FTCDNL1: variants seen among roughly 807,000 people sequenced by gnomAD.
The protein encoded by FTCDNL1 is formiminotransferase cyclodeaminase N-terminal like, also known as formiminotransferase N-terminal subdomain-containing protein.
In FTCDNL1, 11 loss-of-function variants were observed where a neutral mutation model predicts 5.9. That is an observed-to-expected ratio of 1.87 (90% CI 1.18 to 3.10). The LOEUF (loss-of-function observed/expected upper bound fraction) is 3.10. Ranked by LOEUF, FTCDNL1 falls within the 30% of genes most tolerant of loss-of-function variation. FTCDNL1 has a pLI of 0.00. For synonymous variants in FTCDNL1, 58 were observed against 24.8 expected (o/e 2.34, Z -3.99); for missense variants, 115 against 65.5 (o/e 1.76, Z -2.61).
chr2:199,846,174 T>C lies in FTCDNL1; in HGVS notation c.116-4A>G. On this transcript the variant is annotated splice_region_variant and splice_polypyrimidine_tract_variant and intron_variant, in intron 2 of 4. Coordinates refer to ENST00000420128, the MANE Select transcript of FTCDNL1 (RefSeq NM_001363886.2). ...GAAACTTGAGGATGTTTCTTTCCTG[T>C]AAAAAAAACAAGACAGAAGTGCAAG... is the stretch of plus-strand genomic sequence containing the variant. 1 of 685,622 alleles carries C rather than the reference T, an allele frequency of 1.5e-6. No homozygotes were observed. Among genetic ancestry groups the C allele is most frequent in the Non-Finnish European group, 2.6e-6 (1 of 378,098 alleles). The allele number at this position is 685,622 out of a possible 1,614,324, so 42.5% of individuals were successfully genotyped here. A position where few individuals can be genotyped will look rare whatever the true frequency, so the allele number is the denominator to read the frequency against.
downstream of FTCDNL1, among the ~76,000 whole-genome samples, chr2:199,805,912 T>C (rs1360578607): frequency 2.0e-5 from 3 of 150,712 alleles, no homozygotes; most frequent in Non-Finnish European, 4.4e-5. Flanking sequence ...AAGCAAGACC[T>C]TGTCTTGAAA....
chr2:199,834,812 CTCTT>C (rs1462911861), intron 3 of FTCDNL1, among the ~76,000 whole-genome samples: 1 of 152,214 alleles, frequency 6.6e-6, no homozygotes, highest in East Asian at 1.9e-4. Flanking sequence ...TTTCTCTACT[CTCTT>C]TCTAATTTCG....
At chr2:199,716,884 C>T in the FTCDNL1 span, among the ~76,000 whole-genome samples, 2 of 152,088 alleles carry the variant, frequency 1.3e-5, no homozygotes, top group Non-Finnish European at 2.9e-5. Context: ...TCAAAAGAGA[C>T]ATAGATGGGA....
chr2:199,835,886 CT>C lies in FTCDNL1; in HGVS notation c.211+10188del, dbSNP rs1257239626. 1.1e-4 allele frequency among the ~76,000 whole-genome samples: 16 copies of C among 152,156 alleles called. No individual in the cohort carries two copies. The East Asian group carries it at 1.5e-3, about 15-fold the overall frequency. On this transcript the variant is annotated intron_variant, in intron 3 of 4. Transcript: ENST00000420128. ...TAAAACCCCTCAACTTTGAGGCCCC[CT>C]GGGGCTCCCTTTGTTAGTAAGGGGT... is the stretch of plus-strand genomic sequence containing the variant.
the FTCDNL1 span, among the ~76,000 whole-genome samples, chr2:199,710,079 T>C: frequency 1.3e-5 from 2 of 152,204 alleles, no homozygotes; most frequent in East Asian, 3.9e-4. Flanking sequence ...GGCAAAAAAA[T>C]TGAGTTGCCC....
At chr2:199,701,895 C>A in the FTCDNL1 span, among the ~76,000 whole-genome samples, 1 of 151,882 alleles carries the variant, frequency 6.6e-6, no homozygotes, top group Non-Finnish European at 1.5e-5. Flanking sequence ...GTTAGCCTGG[C>A]GTGATGGTGC....
chr2:199,670,483 C>T, the FTCDNL1 span, among the ~76,000 whole-genome samples: 2 of 152,098 alleles, frequency 1.3e-5, no homozygotes, highest in Non-Finnish European at 2.9e-5. Context: ...ACTTTTCAAT[C>T]AAAATAACAA....
chr2:199,790,420 C>T (rs1050871208), intron 3 of FTCDNL1, among the ~76,000 whole-genome samples: 13 of 151,436 alleles, frequency 8.6e-5, no homozygotes, highest in African/African-American at 3.2e-4. Flanking sequence ...ATCACTTGAA[C>T]CTGGGAGGCG....
chr2:199,843,320 A>C (rs2076640851), intron 3 of FTCDNL1, among the ~76,000 whole-genome samples: 1 of 152,216 alleles, frequency 6.6e-6, no homozygotes, highest in African/African-American at 2.4e-5. Flanking sequence ...TTCATGTACT[A>C]GCTAATTTGA....
the FTCDNL1 span, among the ~76,000 whole-genome samples, chr2:199,744,908 C>T: frequency 8.5e-5 from 13 of 152,342 alleles, no homozygotes; most frequent in South Asian, 4.1e-4. Flanking sequence ...GACGGGAAAA[C>T]GCCCGTTCCT....
chr2:199,821,955 A>AGCAAATATCGCTG (rs1701718667), intron 3 of FTCDNL1, among the ~76,000 whole-genome samples: 1 of 152,238 alleles, frequency 6.6e-6, no homozygotes, highest in South Asian at 2.1e-4. Flanking sequence ...ACAGCAATAA[A>AGCAAATATCGCTG]GCAAATATCG....
At chr2:199,682,817 A>G in the FTCDNL1 span, among the ~76,000 whole-genome samples, 1 of 152,246 alleles carries the variant, frequency 6.6e-6, no homozygotes, top group Admixed American at 6.5e-5. Context: ...ATTTCTCATT[A>G]TCCTGTGCAG....
the FTCDNL1 span, among the ~76,000 whole-genome samples, chr2:199,723,209 C>T: frequency 6.6e-6 from 1 of 151,946 alleles, no homozygotes; most frequent in Non-Finnish European, 1.5e-5. Context: ...GAACATAATG[C>T]TTGTGATTTT....
At chr2:199,760,626 T>C in exon 4 of FTCDNL1, 1 of 524,284 alleles carries the variant, frequency 1.9e-6, no homozygotes, top group Non-Finnish European at 3.4e-6. Context: ...CTTTTACAAA[T>C]GTAAATGCAA....
chr2:199,723,648 A>AT, the FTCDNL1 span, among the ~76,000 whole-genome samples: 2 of 151,864 alleles, frequency 1.3e-5, no homozygotes, highest in South Asian at 4.1e-4. Flanking sequence ...TAATCATGTG[A>AT]TTTTTGTCTT....
intron 3 of FTCDNL1, among the ~76,000 whole-genome samples, chr2:199,838,331 T>A (rs1192377271): frequency 1.3e-5 from 2 of 152,094 alleles, no homozygotes; most frequent in African/African-American, 4.8e-5. Context: ...TCCTGAAAGA[T>A]CCAAGATGAT....
the FTCDNL1 span, among the ~76,000 whole-genome samples, chr2:199,682,463 T>C: frequency 1.3e-5 from 2 of 152,318 alleles, no homozygotes; most frequent in South Asian, 2.1e-4. Context: ...AACTGTACTA[T>C]ATATTGTGGG....
chr2:199,669,168 C>A, the FTCDNL1 span, among the ~76,000 whole-genome samples: 45 of 152,170 alleles, frequency 3.0e-4, no homozygotes, highest in African/African-American at 9.9e-4. Flanking sequence ...ATTTATCTTT[C>A]AATTCAAGAA....
At chr2:199,760,899 C>T in intron 3 of FTCDNL1, 1 of 701,590 alleles carries the variant, frequency 1.4e-6, no homozygotes, top group South Asian at 1.5e-5. Context: ...CCTTACCCCT[C>T]TCCACTCAAC....
Sources: gnomAD v4.1 joint callset for allele counts (sites outside exome capture counted in the v4.1 genomes callset) on GRCh38, gnomAD v4.1.1 for gene constraint, MANE v1.5 for transcripts, NCBI Gene and HGNC (gene_info 2026-07-23, HGNC 2026-07-21) for gene names.